Variants in CLSTN2 observed in about 807,000 individuals in gnomAD.
CLSTN2 encodes the protein calsyntenin-2.
Under a neutral mutation model 101.2 loss-of-function variants are expected in CLSTN2, and 48 were observed. The observed-to-expected ratio is 0.47, with a 90% confidence interval of 0.38 to 0.60. CLSTN2 has a LOEUF of 0.60. Ranked by LOEUF, CLSTN2 falls within the 20% of genes least tolerant of loss-of-function variation. The probability of loss-of-function intolerance (pLI) is 0.00; values close to 1 mark genes in which losing one functional copy is unlikely to be tolerated. For missense variants in CLSTN2, 1,160 were observed against 1,238.2 expected (o/e 0.94, Z 0.95); for synonymous variants, 481 against 463.6 (o/e 1.04, Z -0.48).
Position 140,571,672 on chromosome 3 carries a change from G to T in CLSTN2, c.*5419G>T, listed in dbSNP as rs576180803. On this transcript the variant is annotated 3_prime_UTR_variant, in exon 17 of 17. Coordinates refer to ENST00000458420, the MANE Select transcript of CLSTN2 (RefSeq NM_022131.3). ...AAAAGAAATGAGCAATGAAAGTTTT[G>T]AAGTCTACCCCAGTACCCTCATTTC... 1 of 152,346 alleles carries T rather than the reference G, an allele frequency of 6.6e-6. No homozygotes were observed. The highest frequency in any genetic ancestry group is 6.5e-5 in the Admixed American group (1 of 15,308). The allele number at this position is 152,346 out of a possible 1,614,324, so 9.4% of individuals were successfully genotyped here.
intron 9 of CLSTN2, among the ~76,000 whole-genome samples, chr3:140,535,736 T>G (rs1576616661): frequency 6.6e-6 from 1 of 152,336 alleles, no homozygotes; most frequent in East Asian, 1.9e-4. Flanking sequence ...CGTCACAATT[T>G]GTAGATAAGG....
chr3:140,334,211 G>A (rs368160737), intron 2 of CLSTN2, among the ~76,000 whole-genome samples: 8 of 152,278 alleles, frequency 5.3e-5, no homozygotes, highest in African/African-American at 1.7e-4. Flanking sequence ...GCATCCAAAT[G>A]CTACCCTAGA....
intron 2 of CLSTN2, among the ~76,000 whole-genome samples, chr3:140,258,750 C>T (rs920256251): frequency 4.6e-5 from 7 of 152,132 alleles, no homozygotes; most frequent in Admixed American, 1.3e-4. Flanking sequence ...CGGGTTTTAA[C>T]AATATGTTGG....
At chr3:139,939,178 TAAC>T (rs1372731343) in intron 1 of CLSTN2, among the ~76,000 whole-genome samples, 1 of 152,162 alleles carries the variant, frequency 6.6e-6, no homozygotes, top group Non-Finnish European at 1.5e-5. Context: ...AGCAGAATTA[TAAC>T]AACAGTATGG....
chr3:140,121,531 C>T (rs890823971), intron 1 of CLSTN2, among the ~76,000 whole-genome samples: 4 of 152,154 alleles, frequency 2.6e-5, no homozygotes, highest in African/African-American at 9.7e-5. Context: ...CTAGGCAGAA[C>T]TCCTTGCAGA....
intron 10 of CLSTN2, among the ~76,000 whole-genome samples, chr3:140,554,136 A>G (rs1387800903): frequency 6.6e-6 from 1 of 152,178 alleles, no homozygotes; most frequent in African/African-American, 2.4e-5. Context: ...GAAAGGCACC[A>G]AAGCGCAGTG....
intron 8 of CLSTN2, among the ~76,000 whole-genome samples, chr3:140,497,129 G>C (rs1352089697): frequency 6.6e-6 from 1 of 150,696 alleles, no homozygotes; most frequent in East Asian, 2.0e-4. Context: ...GCAGCAGTTT[G>C]GGTGCTTTTT....
intron 2 of CLSTN2, among the ~76,000 whole-genome samples, chr3:140,275,249 C>G (rs2086782488): frequency 6.7e-6 from 1 of 148,576 alleles, no homozygotes; most frequent in South Asian, 2.2e-4. Flanking sequence ...TCCCAAAAAC[C>G]CTTCCTTACA....
At chr3:140,302,603 A>G (rs370756783) in intron 2 of CLSTN2, among the ~76,000 whole-genome samples, 1 of 152,232 alleles carries the variant, frequency 6.6e-6, no homozygotes, top group African/African-American at 2.4e-5. Flanking sequence ...AACAAGCAAA[A>G]CACGTGTGGC....
rs139565076 is a variant in CLSTN2 at position 140,319,045 on chromosome 3, C to T, written c.233-84584C>T. Among the ~76,000 whole-genome samples the T allele has an allele frequency of 3.3e-5, 5 of 152,274 alleles. No individual in the cohort carries two copies. In the East Asian group the frequency reaches 9.6e-4, roughly 29 times the overall value. On this transcript the variant is annotated intron_variant, in intron 2 of 16. Coordinates refer to ENST00000458420, the MANE Select transcript of CLSTN2 (RefSeq NM_022131.3). ...AGTTAAATTATCCCTGAATTTTATACTGTTTACTAACTATATAACTTTGGG... is the reference window on the plus strand; with the variant it reads ...AGTTAAATTATCCCTGAATTTTATATTGTTTACTAACTATATAACTTTGGG...
intron 5 of CLSTN2, among the ~76,000 whole-genome samples, chr3:140,432,154 C>T (rs898657744): frequency 6.6e-5 from 10 of 152,016 alleles, no homozygotes; most frequent in Non-Finnish European, 1.2e-4. Flanking sequence ...TCCTGGGGGT[C>T]GGTCCAGGAA....
intron 2 of CLSTN2, among the ~76,000 whole-genome samples, chr3:140,303,884 C>T (rs535094376): frequency 6.6e-6 from 1 of 151,830 alleles, no homozygotes; most frequent in African/African-American, 2.4e-5. Context: ...GGAGGGCCTG[C>T]AGCTTTGGCA....
At chr3:140,209,656 A>C (rs2010830721) in intron 2 of CLSTN2, among the ~76,000 whole-genome samples, 1 of 152,096 alleles carries the variant, frequency 6.6e-6, no homozygotes, top group African/African-American at 2.4e-5. Flanking sequence ...CTGAACCTAC[A>C]GTTCCCTGGG....
At chr3:140,059,826 C>T (rs2008167480) in intron 1 of CLSTN2, among the ~76,000 whole-genome samples, 1 of 152,028 alleles carries the variant, frequency 6.6e-6, no homozygotes, top group Non-Finnish European at 1.5e-5. Context: ...AAGAAATGTC[C>T]AGGGAAAATA....
chr3:140,334,183 A>G (rs923120277), intron 2 of CLSTN2, among the ~76,000 whole-genome samples: 1 of 152,222 alleles, frequency 6.6e-6, no homozygotes, highest in African/African-American at 2.4e-5. Context: ...TAGTACATAT[A>G]AAGGTACATC....
intron 1 of CLSTN2, among the ~76,000 whole-genome samples, chr3:140,134,871 C>G (rs938441448): frequency 6.6e-6 from 1 of 151,712 alleles, no homozygotes; most frequent in Non-Finnish European, 1.5e-5. Flanking sequence ...GCAACTACCC[C>G]CTAAATGATG....
At chr3:140,240,997 G>C (rs1210552583) in intron 2 of CLSTN2, among the ~76,000 whole-genome samples, 1 of 152,140 alleles carries the variant, frequency 6.6e-6, no homozygotes, top group Non-Finnish European at 1.5e-5. Context: ...CAGGAGATGA[G>C]GGACTGTAAC....
chr3:140,266,797 G>A (rs369489883), intron 2 of CLSTN2, among the ~76,000 whole-genome samples: 1 of 152,290 alleles, frequency 6.6e-6, no homozygotes, highest in Admixed American at 6.5e-5. Context: ...CAAGCCGTGG[G>A]TCCATTGGTT....
chr3:140,495,097 C>T (rs953977803), intron 8 of CLSTN2, among the ~76,000 whole-genome samples: 4 of 152,174 alleles, frequency 2.6e-5, no homozygotes, highest in East Asian at 1.9e-4. Flanking sequence ...AAAAGTGCTT[C>T]GTTTTCTCTG....
Sources: allele counts gnomAD v4.1 joint callset (sites outside exome capture counted in the v4.1 genomes callset), GRCh38; gene constraint gnomAD v4.1.1; transcripts MANE v1.5; gene names NCBI Gene and HGNC (gene_info 2026-07-23, HGNC 2026-07-21).